The following AKR1C3 variants were observed in gnomAD, a reference collection of about 807,000 sequenced individuals.
AKR1C3 encodes 3-alpha hydroxysteroid dehydrogenase, type II.
Under a neutral mutation model 43.6 loss-of-function variants are expected in AKR1C3, and 48 were observed. The observed-to-expected ratio is 1.10, with a 90% CI of 0.87 to 1.40. AKR1C3 has a LOEUF of 1.40. Among genes scored for constraint, AKR1C3 ranks in the 40% most tolerant of loss-of-function variants. AKR1C3 has a pLI of 0.00. For synonymous variants in AKR1C3, 162 were observed against 139.6 expected (o/e 1.16, Z -1.13); for missense variants, 482 against 391.2 (o/e 1.23, Z -1.96).
chr10:5,086,947 C>T (rs10904413), intron 1 of AKR1C3, among the ~76,000 whole-genome samples: 68,742 of 151,502 alleles, frequency 0.45, 16,419 homozygotes, highest in East Asian at 0.86. Context: ...TCCTCCATCC[C>T]TTTATTTTGA....
chr10:5,057,764 C>T (rs1361045382), intron 1 of AKR1C3, among the ~76,000 whole-genome samples: 2 of 152,164 alleles, frequency 1.3e-5, no homozygotes, highest in African/African-American at 4.8e-5. Context: ...GGAATTTGTC[C>T]CTTTCTTCGG....
intron 1 of AKR1C3, among the ~76,000 whole-genome samples, chr10:5,053,023 C>T (rs1838184234): frequency 6.6e-6 from 1 of 152,210 alleles, no homozygotes; most frequent in Non-Finnish European, 1.5e-5. Context: ...TTTCCAATCC[C>T]TTAGCTAGAC....
At chr10:5,062,356 G>A (rs60945078) in intron 1 of AKR1C3, among the ~76,000 whole-genome samples, 7 of 152,180 alleles carry the variant, frequency 4.6e-5, no homozygotes, top group South Asian at 2.1e-4. Context: ...GGCCAATTTC[G>A]TGGACTGTTT....
intron 1 of AKR1C3, among the ~76,000 whole-genome samples, chr10:5,082,192 C>A (rs887828614): frequency 6.6e-6 from 1 of 152,048 alleles, no homozygotes; most frequent in African/African-American, 2.4e-5. Flanking sequence ...TTTTGAGGAA[C>A]CTTTAGGGTT....
intron 3 of AKR1C3, chr10:5,097,827 T>G: frequency 8.5e-7 from 1 of 1,176,644 alleles, no homozygotes; most frequent in South Asian, 1.8e-5. Flanking sequence ...GTCTTAGTTG[T>G]GGCTTTTGAG....
At chr10:5,098,337 A>C (rs781826119) in intron 3 of AKR1C3, among the ~76,000 whole-genome samples, 10 of 152,128 alleles carry the variant, frequency 6.6e-5, no homozygotes, top group Non-Finnish European at 1.5e-4. Flanking sequence ...CATGGTCATC[A>C]CCATAAGACA....
At chr10:5,077,937 C>T in intron 1 of AKR1C3, 1 of 644,112 alleles carries the variant, frequency 1.6e-6, no homozygotes, top group Non-Finnish European at 2.7e-6. Flanking sequence ...TCAAATGAAT[C>T]TTCAGCCAAC....
intron 1 of AKR1C3, among the ~76,000 whole-genome samples, chr10:5,051,709 G>C (rs1197937701): frequency 6.6e-6 from 1 of 152,204 alleles, no homozygotes; most frequent in African/African-American, 2.4e-5. Context: ...CAGAGGCCCT[G>C]TGTGTAGATG....
At chr10:5,087,557 G>A (rs1408219160) in intron 1 of AKR1C3, among the ~76,000 whole-genome samples, 1 of 151,652 alleles carries the variant, frequency 6.6e-6, no homozygotes, top group Non-Finnish European at 1.5e-5. Context: ...TGTATTTTTA[G>A]TAGAGGCGGG....
At chr10:5,078,758 T>G (rs782031625) in intron 1 of AKR1C3, among the ~76,000 whole-genome samples, 1 of 152,198 alleles carries the variant, frequency 6.6e-6, no homozygotes, top group Non-Finnish European at 1.5e-5. Flanking sequence ...TTAAATGCTG[T>G]TATCTCTGCT....
chr10:5,072,008 A>G (rs567787872), intron 1 of AKR1C3, among the ~76,000 whole-genome samples: 1 of 152,222 alleles, frequency 6.6e-6, no homozygotes, highest in African/African-American at 2.4e-5. Context: ...TCACCATGTT[A>G]ATCAGTACCC....
intron 1 of AKR1C3, among the ~76,000 whole-genome samples, chr10:5,066,788 A>G (rs59007330): frequency 0.04 from 6,027 of 152,310 alleles, 410 homozygotes; most frequent in African/African-American, 0.14. Context: ...CAGCTGCAGC[A>G]TAGATACTTT....
intron 1 of AKR1C3, among the ~76,000 whole-genome samples, chr10:5,061,975 T>C (rs1438756749): frequency 2.6e-5 from 4 of 152,228 alleles, no homozygotes; most frequent in Admixed American, 1.3e-4. Context: ...TTGGAAACAG[T>C]GTTTGCAAAA....
chr10:5,050,681 T>C (rs1482709569), intron 1 of AKR1C3, among the ~76,000 whole-genome samples: 1 of 152,248 alleles, frequency 6.6e-6, no homozygotes, highest in East Asian at 1.9e-4. Flanking sequence ...GCATTTGTAA[T>C]TCTTACCACC....
chr10:5,076,808 C>T (rs1369522558), intron 1 of AKR1C3, among the ~76,000 whole-genome samples: 1 of 152,166 alleles, frequency 6.6e-6, no homozygotes, highest in Non-Finnish European at 1.5e-5. Flanking sequence ...TCCTGACATG[C>T]TACGCCATTA....
intron 1 of AKR1C3, among the ~76,000 whole-genome samples, chr10:5,065,096 A>G (rs1421674113): frequency 6.6e-6 from 1 of 152,204 alleles, no homozygotes; most frequent in African/African-American, 2.4e-5. Context: ...GGCTATTACT[A>G]AAAAGTCAAA....
In AKR1C3 at chr10:5,098,877, G is replaced by A; in HGVS notation, c.445G>A (p.Glu149Lys). ...CATAGTGGATCTCTGTACCACCTGG[G>A]AGGTGAGTGCTTGGCGGAGAGGACA... is the stretch of plus-strand genomic sequence containing the variant. ...FDIVDLCTTW[E>K]AMEKCKDAGL... Residue 149 changes from glutamate to lysine, a missense_variant and splice_region_variant, in exon 4 of 9, where the codon GAG becomes AAG. Coordinates refer to ENST00000380554, the MANE Select transcript of AKR1C3 (RefSeq NM_003739.6). The A allele has an allele frequency of 1.2e-6, 2 of 1,611,982 alleles. No individual in the cohort carries two copies. The highest frequency in any genetic ancestry group is 1.7e-6 in the Non-Finnish European group (2 of 1,178,964).
At chr10:5,092,119 C>G (rs946260257), upstream of AKR1C3, among the ~76,000 whole-genome samples, 6 of 152,042 alleles carry the variant, frequency 3.9e-5, no homozygotes, top group African/African-American at 1.4e-4. Flanking sequence ...CCTATTACAT[C>G]CTTCAAATTG....
chr10:5,072,539 C>G (rs1341407849), intron 1 of AKR1C3, among the ~76,000 whole-genome samples: 1 of 152,186 alleles, frequency 6.6e-6, no homozygotes, highest in Non-Finnish European at 1.5e-5. Context: ...GCCAGAATTG[C>G]AACCTGCCAG....
Sources: gnomAD v4.1 joint callset for allele counts (sites outside exome capture counted in the v4.1 genomes callset) on GRCh38, gnomAD v4.1.1 for gene constraint, MANE v1.5 for transcripts, NCBI Gene and HGNC (gene_info 2026-07-23, HGNC 2026-07-21) for gene names.